Variants in NCK2 observed in about 807,000 individuals in gnomAD.
NCK2 encodes cytoplasmic protein NCK2.
In NCK2, 16 loss-of-function variants were observed where a neutral mutation model predicts 33.9. That is an observed-to-expected ratio of 0.47 (90% CI 0.32 to 0.72). The LOEUF (loss-of-function observed/expected upper bound fraction) is 0.72, where lower values mean the gene tolerates loss of function less well. Among genes scored for constraint, NCK2 ranks in the 30% least tolerant of loss-of-function variants. NCK2 has a pLI of 0.03. For missense variants in NCK2, 418 were observed against 537.3 expected, an observed-to-expected ratio of 0.78 and a Z score of 2.19; for synonymous variants, 273 against 239.9, an observed-to-expected ratio of 1.14 and a Z score of -1.27.
intron 3 of NCK2, among the ~76,000 whole-genome samples, chr2:105,867,851 T>C (rs1356241844): frequency 6.6e-6 from 1 of 152,010 alleles, no homozygotes; most frequent in Non-Finnish European, 1.5e-5. Flanking sequence ...CAAGCGGGAG[T>C]CTTAAGTTTA....
At chr2:105,860,870 C>T (rs192272511) in intron 3 of NCK2, among the ~76,000 whole-genome samples, 2 of 149,842 alleles carry the variant, frequency 1.3e-5, no homozygotes, top group South Asian at 2.2e-4. Flanking sequence ...GTGGGGCACA[C>T]GAGATGGGGA....
At chr2:105,844,768 A>ATATATG (rs1472227913) in intron 2 of NCK2, among the ~76,000 whole-genome samples, 1 of 131,908 alleles carries the variant, frequency 7.6e-6, no homozygotes, top group African/African-American at 2.9e-5. Context: ...ATATATATAT[A>ATATATG]TGTATGTATG....
chr2:105,845,015 C>G (rs1376792628), intron 2 of NCK2, among the ~76,000 whole-genome samples: 1 of 152,030 alleles, frequency 6.6e-6, no homozygotes, highest in Non-Finnish European at 1.5e-5. Flanking sequence ...TGTCCCCTCT[C>G]CTACACAGGG....
intron 1 of NCK2, among the ~76,000 whole-genome samples, chr2:105,791,752 A>G (rs956383630): frequency 7.2e-5 from 11 of 152,174 alleles, no homozygotes; most frequent in African/African-American, 2.2e-4. Flanking sequence ...AGTTTTGTCT[A>G]TAATTTGATC....
intron 3 of NCK2, among the ~76,000 whole-genome samples, chr2:105,856,199 A>G (rs2104586991): frequency 6.6e-6 from 1 of 152,352 alleles, no homozygotes; most frequent in African/African-American, 2.4e-5. Flanking sequence ...GGAGTTACAC[A>G]AAGTTAACAG....
intron 1 of NCK2, among the ~76,000 whole-genome samples, chr2:105,755,166 T>C (rs143399813): frequency 6.6e-6 from 1 of 152,188 alleles, no homozygotes; most frequent in Admixed American, 6.5e-5. Context: ...AATTAAGCCA[T>C]CTGTCTTGCT....
chr2:105,887,850 T>C (rs144092164), intron 4 of NCK2, among the ~76,000 whole-genome samples: 1 of 152,302 alleles, frequency 6.6e-6, no homozygotes, highest in Non-Finnish European at 1.5e-5. Context: ...GGCAAAGCCA[T>C]AGAGATGGGA....
chr2:105,780,323 TATACAC>T (rs887052783), intron 1 of NCK2, among the ~76,000 whole-genome samples: 21 of 102,740 alleles, frequency 2.0e-4, no homozygotes, highest in African/African-American at 1.4e-3. Flanking sequence ...GAGAGAGATA[TATACAC>T]ACACACACAC....
At chr2:105,752,899 C>T (rs1689496637) in intron 1 of NCK2, among the ~76,000 whole-genome samples, 1 of 152,156 alleles carries the variant, frequency 6.6e-6, no homozygotes, top group Non-Finnish European at 1.5e-5. Context: ...GCTTCTCTCC[C>T]ACACGGACAC....
chr2:105,748,238 T>C (rs1689352867), intron 1 of NCK2, among the ~76,000 whole-genome samples: 1 of 152,194 alleles, frequency 6.6e-6, no homozygotes. Context: ...TGTCCTGAGT[T>C]CTTACTCATC....
At chr2:105,745,510 C>T (rs570790914) in intron 1 of NCK2, among the ~76,000 whole-genome samples, 4 of 152,146 alleles carry the variant, frequency 2.6e-5, no homozygotes, top group Non-Finnish European at 4.4e-5. Context: ...TGCAGGCGGG[C>T]GGCCGGCACG....
At chr2:105,820,751 G>T (rs147096563) in intron 2 of NCK2, among the ~76,000 whole-genome samples, 1 of 152,346 alleles carries the variant, frequency 6.6e-6, no homozygotes, top group Non-Finnish European at 1.5e-5. Flanking sequence ...GGCCTTGTCT[G>T]CTATGCTGCA....
intron 2 of NCK2, among the ~76,000 whole-genome samples, chr2:105,818,288 G>GGAGGGGA (rs1675577210): frequency 9.8e-6 from 1 of 102,232 alleles, no homozygotes; most frequent in Non-Finnish European, 1.9e-5. Flanking sequence ...TGGGGTGGGG[G>GGAGGGGA]GAGGGGGGAG....
At chr2:105,870,067 C>A (rs113016586) in intron 3 of NCK2, among the ~76,000 whole-genome samples, 137 of 152,302 alleles carry the variant, frequency 9.0e-4, no homozygotes, top group Middle Eastern at 6.8e-3. Context: ...TGCCCCAACA[C>A]CTCCCTTTCA....
intron 2 of NCK2, among the ~76,000 whole-genome samples, chr2:105,838,706 G>GTATC (rs1427682965): frequency 1.3e-5 from 2 of 152,176 alleles, no homozygotes; most frequent in Non-Finnish European, 2.9e-5. Flanking sequence ...TAGGCATCTT[G>GTATC]TATCTGTGTG....
intron 3 of NCK2, among the ~76,000 whole-genome samples, chr2:105,863,486 A>G (rs1296819613): frequency 2.0e-5 from 3 of 152,150 alleles, no homozygotes; most frequent in Non-Finnish European, 4.4e-5. Flanking sequence ...CAACCCCAAC[A>G]GTGTAATAGG....
intron 1 of NCK2, among the ~76,000 whole-genome samples, chr2:105,778,830 C>T (rs1690394462): frequency 6.6e-6 from 1 of 152,066 alleles, no homozygotes; most frequent in Admixed American, 6.6e-5. Context: ...TCCAGTGATC[C>T]TCCTGCCTCA....
chr2:105,797,483 T>C (rs138813131), intron 1 of NCK2, among the ~76,000 whole-genome samples: 26 of 152,330 alleles, frequency 1.7e-4, no homozygotes, highest in African/African-American at 5.8e-4. Flanking sequence ...GCTGCCAGGC[T>C]GTGCGGGCTA....
intron 4 of NCK2, among the ~76,000 whole-genome samples, chr2:105,891,573 T>TAGTG (rs10666166): frequency 4.1e-5 from 4 of 98,380 alleles, no homozygotes; most frequent in Non-Finnish European, 5.9e-5. Context: ...TTTTTTGAGA[T>TAGTG]TTTTCGCTCT....
Sources: allele counts gnomAD v4.1 joint callset (sites outside exome capture counted in the v4.1 genomes callset), GRCh38; gene constraint gnomAD v4.1.1; transcripts MANE v1.5; gene names NCBI Gene and HGNC (gene_info 2026-07-23, HGNC 2026-07-21).